The following EARS2 variants were observed in gnomAD, a reference collection of about 807,000 sequenced individuals.
EARS2 encodes nondiscriminating glutamyl-tRNA synthetase EARS2, mitochondrial.
In EARS2, 50 loss-of-function variants were observed where a neutral mutation model predicts 54.1. That is an observed-to-expected ratio of 0.92 (90% CI 0.74 to 1.17). The LOEUF is 1.17. EARS2 is among the 50% of genes most tolerant of loss of function. The pLI is 0.00. For missense variants in EARS2, 673 were observed against 675.0 expected, an observed-to-expected ratio of 1.00 and a Z score of 0.03; for synonymous variants, 298 against 281.0, an observed-to-expected ratio of 1.06 and a Z score of -0.61.
chr16:23,550,129 G>A (rs562088026), intron 2 of EARS2, among the ~76,000 whole-genome samples: 3 of 152,264 alleles, frequency 2.0e-5, no homozygotes, highest in African/African-American at 7.2e-5. Context: ...GGAGGCCGAG[G>A]CAGGAGAATT....
At chr16:23,548,766 G>A (rs904888685) in intron 2 of EARS2, among the ~76,000 whole-genome samples, 12 of 152,168 alleles carry the variant, frequency 7.9e-5, no homozygotes. Flanking sequence ...GTCCATGACT[G>A]GAGTGAGAAC....
intron 7 of EARS2, among the ~76,000 whole-genome samples, chr16:23,525,866 C>T (rs538575434): frequency 2.0e-4 from 31 of 151,536 alleles, no homozygotes; most frequent in Non-Finnish European, 3.5e-4. Flanking sequence ...GGGATGGTGG[C>T]GGGTGCCTGT....
chr16:23,524,059 T>G lies in EARS2; in HGVS notation c.*312A>C, dbSNP rs1965183451. ...CTAGCAAACTGAAACCCAAGCCTTC[T>G]GCACTGTTCCGGGATGTTAACTTTT... On this transcript the variant is annotated 3_prime_UTR_variant, in exon 9 of 9. Transcript: ENST00000449606. The G allele has an allele frequency of 2.9e-6, 1 of 343,272 alleles. No individual in the cohort carries two copies. The highest frequency in any genetic ancestry group is 5.4e-6 in the Non-Finnish European group (1 of 186,790). 21.3% of individuals were successfully genotyped at this position (343,272 alleles called of 1,614,324 possible). A position where few individuals can be genotyped will look rare whatever the true frequency, so the allele number is the denominator to read the frequency against.
At chr16:23,556,810 G>C (rs1965796525) in intron 1 of EARS2, 1 of 461,952 alleles carries the variant, frequency 2.2e-6, no homozygotes, top group African/African-American at 2.0e-5. Context: ...TGGCACATGT[G>C]ACTCTAAAAT....
intron 3 of EARS2, among the ~76,000 whole-genome samples, chr16:23,540,266 T>C (rs960864054): frequency 1.3e-5 from 2 of 152,086 alleles, no homozygotes; most frequent in African/African-American, 2.4e-5. Context: ...AAGGCTGCAA[T>C]GAGCTGTGAT....
rs1480655847 is a variant in EARS2, at chr16:23,532,748, T to C, written c.976A>G (p.Thr326Ala). 2 of 1,613,366 alleles carry C rather than the reference T, an allele frequency of 1.2e-6. No individual in the cohort carries two copies. Among genetic ancestry groups the C allele is most frequent in the African/African-American group, 1.3e-5 (1 of 74,906 alleles). Residue 326 changes from threonine (T) to alanine (A), a missense_variant, in exon 5 of 9, where the codon ACC (threonine) becomes GCC (alanine). Around this residue, in one of 3 missense-constraint regions of EARS2, gnomAD observed 338 missense variants for 361.2 expected, o/e 0.94. Coordinates refer to ENST00000449606, the MANE Select transcript of EARS2 (RefSeq NM_001083614.2). ...SGFAENQMGR[T>A]LPELITQFNL... ...AACTGTGTGATCAGCTCCGGCAGGG[T>C]CCTGCCCATTTGGTTCTCTGCAAAG...
At chr16:23,554,337 T>C (rs1965742470) in intron 1 of EARS2, among the ~76,000 whole-genome samples, 1 of 152,186 alleles carries the variant, frequency 6.6e-6, no homozygotes, top group East Asian at 1.9e-4. Context: ...TCACCCTAAT[T>C]GCTGGCTTTA....
intron 2 of EARS2, among the ~76,000 whole-genome samples, chr16:23,545,818 C>T (rs1186141131): frequency 6.6e-6 from 1 of 152,090 alleles, no homozygotes; most frequent in African/African-American, 2.4e-5. Flanking sequence ...TGCACATCAC[C>T]ACATCTGGCT....
At chr16:23,525,125 G>A (rs1237491939) in intron 8 of EARS2, 119 bp downstream of exon 8, 27 of 1,373,814 alleles carry the variant, frequency 2.0e-5, no homozygotes, top group Non-Finnish European at 2.7e-5. Flanking sequence ...TGAGGGGAGT[G>A]ATCATGTTTC....
intron 3 of EARS2, among the ~76,000 whole-genome samples, chr16:23,536,705 TAG>T (rs1965425541): frequency 7.0e-6 from 1 of 142,404 alleles, no homozygotes; most frequent in South Asian, 2.3e-4. Context: ...TTTTTTGAGA[TAG>T]AGTCTCGCTG....
chr16:23,527,547 G>C (rs749458362), intron 7 of EARS2, among the ~76,000 whole-genome samples: 5 of 129,886 alleles, frequency 3.8e-5, no homozygotes, highest in Non-Finnish European at 7.8e-5. Flanking sequence ...AAGAGTGATC[G>C]TTCTTTTTTT....
chr16:23,534,394 G>A (rs1434972454), intron 4 of EARS2, among the ~76,000 whole-genome samples: 4 of 152,220 alleles, frequency 2.6e-5, no homozygotes, highest in Non-Finnish European at 5.9e-5. Context: ...CCATGGGTAA[G>A]TGCTCAGCTT....
chr16:23,533,042 T>G (rs574425204), intron 4 of EARS2, among the ~76,000 whole-genome samples: 1 of 152,248 alleles, frequency 6.6e-6, no homozygotes, highest in South Asian at 2.1e-4. Context: ...ATACCAGCAT[T>G]TTGGGAGGCA....
chr16:23,553,597 G>GA lies in EARS2; in HGVS notation c.140-1294dup, dbSNP rs528088933. On this transcript the variant is annotated intron_variant, in intron 1 of 8. Coordinates refer to ENST00000449606, the MANE Select transcript of EARS2 (RefSeq NM_001083614.2). ...CATTGTGAGATCCTGTCTCTACAAA[G>GA]AAAAAAAAAATCGGTGGGGCATGGT... 1.8e-3 allele frequency among the ~76,000 whole-genome samples: 268 copies of GA among 149,012 alleles called. 1 individual carries two copies. In the South Asian group the frequency reaches 0.024, roughly 13 times the overall value.
intron 5 of EARS2, among the ~76,000 whole-genome samples, chr16:23,531,693 A>T (rs985614466): frequency 2.0e-5 from 3 of 152,220 alleles, no homozygotes; most frequent in African/African-American, 4.8e-5. Context: ...TCTGCAACTG[A>T]TGTTAATTCT....
At chr16:23,529,363 A>G in intron 7 of EARS2, 139 bp downstream of exon 7, 1 of 1,156,112 alleles carries the variant, frequency 8.6e-7, no homozygotes, top group South Asian at 1.6e-5. Flanking sequence ...CACCAGCGAA[A>G]GCCAGTGAAG....
chr16:23,546,104 G>A (rs143970596), intron 2 of EARS2, among the ~76,000 whole-genome samples: 1 of 152,288 alleles, frequency 6.6e-6, no homozygotes, highest in East Asian at 1.9e-4. Context: ...TAGCCCAGTG[G>A]TGTATATTTA....
chr16:23,542,714 G>A (rs559990698), intron 3 of EARS2, among the ~76,000 whole-genome samples: 2 of 152,242 alleles, frequency 1.3e-5, no homozygotes, highest in South Asian at 2.1e-4. Flanking sequence ...AGTCATTCTC[G>A]CCTTCTGGTG....
chr16:23,533,244 G>A (rs1016669015), intron 4 of EARS2, among the ~76,000 whole-genome samples: 3 of 152,072 alleles, frequency 2.0e-5, no homozygotes, highest in Non-Finnish European at 4.4e-5. Flanking sequence ...AGATTGTGCC[G>A]TTGCACTCCA....
Sources: allele counts gnomAD v4.1 joint callset (sites outside exome capture counted in the v4.1 genomes callset), GRCh38; gene constraint gnomAD v4.1.1; regional missense constraint gnomAD v4.1.1; transcripts MANE v1.5; gene names NCBI Gene and HGNC (gene_info 2026-07-23, HGNC 2026-07-21).